PDXDC1: variants seen among roughly 807,000 people sequenced by gnomAD.
PDXDC1 encodes pyridoxal dependent decarboxylase domain containing 1.
In PDXDC1, 42 loss-of-function variants were observed where a neutral mutation model predicts 100.1. That is an observed-to-expected ratio of 0.42 (90% CI 0.33 to 0.54). The LOEUF (loss-of-function observed/expected upper bound fraction) is 0.54, where lower values mean the gene tolerates loss of function less well. PDXDC1 is among the 20% of genes least tolerant of loss of function. The pLI, the probability that PDXDC1 is intolerant of heterozygous loss-of-function variation, is 0.10. For missense variants in PDXDC1, 636 were observed against 979.2 expected, an observed-to-expected ratio of 0.65 and a Z score of 4.68; for synonymous variants, 260 against 371.7, an observed-to-expected ratio of 0.70 and a Z score of 3.46.
At chr16:15,046,071 A>T (rs781006940) in intron 16 of PDXDC1, 1 of 152,274 alleles carries the variant, frequency 6.6e-6, no homozygotes, top group African/African-American at 2.4e-5. Context: ...CACGGAGCAG[A>T]GTGTGTGGCA....
rs1171351930 is a variant in PDXDC1, at chr16:15,108,331, C to T, written c.1400-30548C>T. The T allele has an allele frequency of 6.2e-5, 47 of 759,394 alleles. 2 individuals carry two copies. The highest frequency in any genetic ancestry group is 4.8e-4 in the South Asian group (8 of 16,624). The allele number at this position is 759,394 out of a possible 1,614,324, so 47.0% of individuals were successfully genotyped here. On this transcript the variant is annotated intron_variant, in intron 16 of 16. Coordinates refer to the PDXDC1 transcript ENST00000535621. ...TTCCCAGAACGCTAGGAAACAGGGA[C>T]GAAAACACTTCAAAGAGAAAGTTAA...
chr16:15,094,335 C>G (rs1301870108), intron 16 of PDXDC1: 1 of 1,115,028 alleles, frequency 9.0e-7, no homozygotes. Context: ...CAACCTTCAG[C>G]CAATCAGCGG....
intron 16 of PDXDC1, among the ~76,000 whole-genome samples, chr16:15,122,704 C>T (rs2047482878): frequency 6.6e-6 from 1 of 150,468 alleles, no homozygotes; most frequent in Non-Finnish European, 1.5e-5. Flanking sequence ...AGAGCAGCCA[C>T]CGCACCCGCA....
At chr16:15,008,095 G>A (rs1350528924) in intron 6 of PDXDC1, among the ~76,000 whole-genome samples, 2 of 152,260 alleles carry the variant, frequency 1.3e-5, no homozygotes, top group Admixed American at 6.5e-5. Flanking sequence ...TGTTTTACTT[G>A]GGTGTCACAT....
chr16:15,135,322 G>T, intron 16 of PDXDC1: 2 of 1,534,010 alleles, frequency 1.3e-6, no homozygotes, highest in Middle Eastern at 2.3e-4. Flanking sequence ...CCTTCCACAC[G>T]GTGAGGCTGA....
chr16:15,141,416 G>A (rs554260760), downstream of PDXDC1, among the ~76,000 whole-genome samples: 55 of 152,376 alleles, frequency 3.6e-4, no homozygotes, highest in South Asian at 1.2e-3. Context: ...TGGGCGCCCA[G>A]ACAGATGAGA....
At chr16:14,991,445 C>CGT (rs1392760367) in intron 1 of PDXDC1, among the ~76,000 whole-genome samples, 10 of 152,358 alleles carry the variant, frequency 6.6e-5, no homozygotes, top group Non-Finnish European at 1.3e-4. Flanking sequence ...GGACTACAGG[C>CGT]GTGCACCACC....
chr16:15,140,936 G>C (rs924228744), downstream of PDXDC1, among the ~76,000 whole-genome samples: 4 of 151,900 alleles, frequency 2.6e-5, no homozygotes, highest in African/African-American at 9.7e-5. Context: ...CCCTCCCCAC[G>C]AGTGACCCAG....
chr16:14,989,733 A>G (rs1970285380), intron 1 of PDXDC1: 3 of 1,549,718 alleles, frequency 1.9e-6, no homozygotes, highest in South Asian at 2.3e-5. Context: ...CTCCCGCAGC[A>G]GCAGCACCGC....
At chr16:15,013,593 T>C (rs1022802289) in intron 8 of PDXDC1, among the ~76,000 whole-genome samples, 1 of 152,246 alleles carries the variant, frequency 6.6e-6, no homozygotes, top group African/African-American at 2.4e-5. Context: ...CATACTACAA[T>C]AGGCCGAGCA....
chr16:15,086,581 C>A, intron 16 of PDXDC1: 3 of 1,393,314 alleles, frequency 2.2e-6, no homozygotes, highest in South Asian at 1.4e-5. Context: ...TTGGAAGGAA[C>A]TCAAAACTGG....
intron 1 of PDXDC1, among the ~76,000 whole-genome samples, chr16:14,977,254 GA>G (rs1160214261): frequency 7.1e-6 from 1 of 141,412 alleles, no homozygotes; most frequent in Non-Finnish European, 1.5e-5. Flanking sequence ...AAGTTTTTCA[GA>G]ACTATGGGAC....
the PDXDC1 span, among the ~76,000 whole-genome samples, chr16:15,146,664 G>A: frequency 6.6e-6 from 1 of 152,140 alleles, no homozygotes; most frequent in East Asian, 1.9e-4. Flanking sequence ...GGCTCCCGTC[G>A]TCCAGTGTCC....
chr16:15,101,183 G>C (rs2046532538), intron 16 of PDXDC1, among the ~76,000 whole-genome samples: 1 of 152,152 alleles, frequency 6.6e-6, no homozygotes, highest in African/African-American at 2.4e-5. Context: ...GGACAGGGCA[G>C]GTTCTCCGTA....
intron 16 of PDXDC1, chr16:15,132,714 A>G (rs1819832376): frequency 1.0e-6 from 1 of 980,602 alleles, no homozygotes; most frequent in Admixed American, 1.8e-5. Flanking sequence ...ATGTGGGGCC[A>G]TCCTACCATG....
chr16:15,046,858 C>G (rs2044090937), intron 16 of PDXDC1, among the ~76,000 whole-genome samples: 1 of 152,092 alleles, frequency 6.6e-6, no homozygotes, highest in African/African-American at 2.4e-5. Flanking sequence ...CAGGGCGACA[C>G]AGCAAGACCC....
intron 16 of PDXDC1, chr16:15,070,117 G>C: frequency 1.2e-6 from 2 of 1,602,852 alleles, no homozygotes; most frequent in Non-Finnish European, 1.7e-6. Flanking sequence ...AAAAACAAAG[G>C]TGTAGAACAC....
intron 16 of PDXDC1, among the ~76,000 whole-genome samples, chr16:15,055,416 C>T (rs2044469341): frequency 6.6e-6 from 1 of 152,202 alleles, no homozygotes; most frequent in South Asian, 2.1e-4. Context: ...ACTGGGGGTC[C>T]CCGCCAAGAT....
chr16:15,137,693 G>A, intron 16 of PDXDC1: 1 of 1,130,172 alleles, frequency 8.8e-7, no homozygotes, highest in South Asian at 1.3e-5. Flanking sequence ...CCCAGTGTCT[G>A]CAGGGCCCAG....
Sources: gnomAD v4.1 joint callset for allele counts (sites outside exome capture counted in the v4.1 genomes callset) on GRCh38, gnomAD v4.1.1 for gene constraint, MANE v1.5 for transcripts, NCBI Gene and HGNC (gene_info 2026-07-23, HGNC 2026-07-21) for gene names.